Variants in SLCO1A2 observed in about 807,000 individuals in gnomAD.
The protein encoded by SLCO1A2 is OATP-1.
In SLCO1A2, 67 loss-of-function variants were observed where a neutral mutation model predicts 69.0. That is an observed-to-expected ratio of 0.97 (90% CI 0.80 to 1.19). SLCO1A2 has a LOEUF of 1.19. Ranked by LOEUF, SLCO1A2 falls within the 50% of genes most tolerant of loss-of-function variation. The pLI is 0.00. For missense variants in SLCO1A2, 787 were observed against 793.7 expected (o/e 0.99, Z 0.10); for synonymous variants, 260 against 265.9 (o/e 0.98, Z 0.22).
chr12:21,271,337 C>G (rs7955581), intron 14 of SLCO1A2, among the ~76,000 whole-genome samples: 41,812 of 151,484 alleles, frequency 0.28, 7,131 homozygotes, highest in African/African-American at 0.49. Context: ...TTTGTTTACT[C>G]CTTTATGTTT....
intron 2 of SLCO1A2, chr12:21,372,793 T>C (rs1320788209): frequency 1.3e-5 from 2 of 156,678 alleles, no homozygotes; most frequent in African/African-American, 4.8e-5. Context: ...GTGAGGTACT[T>C]TCTATCTATA....
At chr12:21,348,799 T>C (rs1286539976) in intron 2 of SLCO1A2, among the ~76,000 whole-genome samples, 1 of 152,142 alleles carries the variant, frequency 6.6e-6, no homozygotes, top group Non-Finnish European at 1.5e-5. Flanking sequence ...GCACAGGGGA[T>C]TTTTAGGGCA....
intron 12 of SLCO1A2, among the ~76,000 whole-genome samples, chr12:21,282,463 A>G (rs1272947533): frequency 6.6e-6 from 1 of 152,084 alleles, no homozygotes; most frequent in Admixed American, 6.6e-5. Context: ...GCCATATATG[A>G]GAGACCTATA....
At chr12:21,275,850 G>A (rs1591775473) in intron 12 of SLCO1A2, among the ~76,000 whole-genome samples, 1 of 151,742 alleles carries the variant, frequency 6.6e-6, no homozygotes, top group East Asian at 1.9e-4. Flanking sequence ...GCTGAGGCAG[G>A]AGAATCACTT....
chr12:21,340,357 T>C (rs1953027746), intron 2 of SLCO1A2, among the ~76,000 whole-genome samples: 1 of 152,062 alleles, frequency 6.6e-6, no homozygotes, highest in Non-Finnish European at 1.5e-5. Context: ...ATACACCGTA[T>C]TTGTTACCAT....
At chr12:21,365,551 A>G (rs1347807020) in intron 2 of SLCO1A2, among the ~76,000 whole-genome samples, 1 of 152,136 alleles carries the variant, frequency 6.6e-6, no homozygotes, top group East Asian at 1.9e-4. Flanking sequence ...ACAAATGGGA[A>G]CTAATTGAAC....
chr12:21,415,053 C>T (rs1941968274), intron 1 of SLCO1A2, among the ~76,000 whole-genome samples: 1 of 151,952 alleles, frequency 6.6e-6, no homozygotes, highest in Admixed American at 6.6e-5. Context: ...TTTTGGTACA[C>T]ATTTGGATTA....
intron 6 of SLCO1A2, among the ~76,000 whole-genome samples, chr12:21,303,324 G>T (rs1029202646): frequency 6.6e-6 from 1 of 152,116 alleles, no homozygotes; most frequent in African/African-American, 2.4e-5. Context: ...TTAATTTATT[G>T]TAGGAGAGTG....
intron 1 of SLCO1A2, among the ~76,000 whole-genome samples, chr12:21,404,701 A>G (rs1345601040): frequency 6.6e-6 from 1 of 152,100 alleles, no homozygotes; most frequent in Non-Finnish European, 1.5e-5. Flanking sequence ...GAACACACAC[A>G]TGCATATATC....
intron 2 of SLCO1A2, among the ~76,000 whole-genome samples, chr12:21,333,413 C>G (rs1033707372): frequency 6.6e-6 from 1 of 152,036 alleles, no homozygotes; most frequent in Admixed American, 6.6e-5. Context: ...ATTTCAACAA[C>G]AAAGTTTAAA....
At chr12:21,272,662 G>GATCT (rs957298105) in intron 14 of SLCO1A2, among the ~76,000 whole-genome samples, 3 of 151,672 alleles carry the variant, frequency 2.0e-5, no homozygotes, top group South Asian at 2.1e-4. Flanking sequence ...TTATATTTTT[G>GATCT]ATCTATCTAT....
At chr12:21,408,882 T>C (rs1321139003) in intron 1 of SLCO1A2, among the ~76,000 whole-genome samples, 1 of 152,174 alleles carries the variant, frequency 6.6e-6, no homozygotes, top group Non-Finnish European at 1.5e-5. Context: ...CCAACGCTCT[T>C]CTAAAACAAC....
rs1437878583 is a variant in SLCO1A2 at position 21,299,785 on chromosome 12, TATATACAC to T, written c.910+555_910+562del. On this transcript the variant is annotated intron_variant, in intron 8 of 14. Transcript: ENST00000683939. ...ATATACGTGTGTATATATATATATATATATACACACACACGTATATATATACACACACA... is the reference window on the plus strand; with the variant it reads ...ATATACGTGTGTATATATATATATATACACACGTATATATATACACACACA... Among the ~76,000 whole-genome samples, 171 of 116,382 alleles carry T rather than the reference TATATACAC, an allele frequency of 1.5e-3. 1 individual carries two copies. The highest frequency in any genetic ancestry group is 6.4e-3 in the African/African-American group (161 of 25,018). 76.4% of individuals were successfully genotyped at this position (116,382 alleles called of 152,430 possible). A position where few individuals can be genotyped will look rare whatever the true frequency, so the allele number is the denominator to read the frequency against.
At chr12:21,271,085 C>T (rs1942741423) in intron 14 of SLCO1A2, among the ~76,000 whole-genome samples, 1 of 151,468 alleles carries the variant, frequency 6.6e-6, no homozygotes, top group South Asian at 2.1e-4. Flanking sequence ...AGTATAACCA[C>T]ATTTAACTTA....
At chr12:21,325,888 T>C (rs992345485) in intron 2 of SLCO1A2, among the ~76,000 whole-genome samples, 2 of 152,310 alleles carry the variant, frequency 1.3e-5, no homozygotes, top group African/African-American at 4.8e-5. Flanking sequence ...GATCAGTCTG[T>C]GATTCTGTGG....
intron 12 of SLCO1A2, among the ~76,000 whole-genome samples, chr12:21,280,610 T>C (rs1169284578): frequency 1.3e-5 from 2 of 148,874 alleles, no homozygotes; most frequent in Non-Finnish European, 3.0e-5. Context: ...AAGAGAGAGA[T>C]AGAGCCTAAT....
chr12:21,385,333 C>G (rs1940823851), intron 1 of SLCO1A2, among the ~76,000 whole-genome samples: 1 of 152,210 alleles, frequency 6.6e-6, no homozygotes, highest in African/African-American at 2.4e-5. Context: ...AGCAGAAACT[C>G]TGTCCAGAAT....
At chr12:21,404,079 C>A (rs1176707759) in intron 1 of SLCO1A2, among the ~76,000 whole-genome samples, 1 of 152,012 alleles carries the variant, frequency 6.6e-6, no homozygotes, top group Non-Finnish European at 1.5e-5. Flanking sequence ...GAACAGTAGA[C>A]TGAGATGCGA....
At chr12:21,354,211 T>C (rs12369820) in intron 2 of SLCO1A2, among the ~76,000 whole-genome samples, 3,706 of 152,298 alleles carry the variant, frequency 0.024, 74 homozygotes, top group Non-Finnish European at 0.038. Flanking sequence ...TACCTCTCAG[T>C]CCTCTGCGGA....
Sources: gnomAD v4.1 joint callset for allele counts (sites outside exome capture counted in the v4.1 genomes callset) on GRCh38, gnomAD v4.1.1 for gene constraint, MANE v1.5 for transcripts, NCBI Gene and HGNC (gene_info 2026-07-23, HGNC 2026-07-21) for gene names.